The following NEDD4L variants were observed in gnomAD, a reference collection of about 807,000 sequenced individuals.
The protein encoded by NEDD4L is E3 ubiquitin-protein ligase NEDD4-like.
A neutral mutation model predicts 148.9 loss-of-function variants in NEDD4L; 54 were observed. The observed-to-expected ratio is 0.36, with a 90% CI of 0.29 to 0.45. NEDD4L has a LOEUF of 0.45. Ranked by LOEUF, NEDD4L falls within the 20% of genes least tolerant of loss-of-function variation. NEDD4L has a pLI of 1.00. For synonymous variants in NEDD4L, 433 were observed against 440.7 expected, an observed-to-expected ratio of 0.98 and a Z score of 0.22; for missense variants, 856 against 1,233.8, an observed-to-expected ratio of 0.69 and a Z score of 4.59.
At chr18:58,338,086 C>A (rs1024709376) in intron 13 of NEDD4L, among the ~76,000 whole-genome samples, 1 of 152,184 alleles carries the variant, frequency 6.6e-6, no homozygotes, top group South Asian at 2.1e-4. Flanking sequence ...ATTGAAACTT[C>A]TGCAGTTTAC....
At chr18:58,145,364 C>T (rs1336851403) in intron 1 of NEDD4L, among the ~76,000 whole-genome samples, 1 of 152,196 alleles carries the variant, frequency 6.6e-6, no homozygotes, top group Admixed American at 6.5e-5. Context: ...TAATGTAACC[C>T]TGTATTTTAC....
chr18:58,215,313 C>T (rs940265551), intron 2 of NEDD4L, among the ~76,000 whole-genome samples: 3 of 152,168 alleles, frequency 2.0e-5, no homozygotes, highest in Non-Finnish European at 4.4e-5. Context: ...CCCATTTTAT[C>T]AGTCTTTTCA....
intron 1 of NEDD4L, among the ~76,000 whole-genome samples, chr18:58,137,820 C>T (rs1417745680): frequency 2.0e-5 from 3 of 152,210 alleles, no homozygotes; most frequent in African/African-American, 2.4e-5. Flanking sequence ...ACTCTTGACA[C>T]GTAAGCTGGG....
chr18:58,115,829 T>C (rs2085788883), intron 1 of NEDD4L, among the ~76,000 whole-genome samples: 1 of 152,198 alleles, frequency 6.6e-6, no homozygotes, highest in South Asian at 2.1e-4. Flanking sequence ...AAACTTGACA[T>C]TATAGATCTT....
chr18:58,291,064 A>G (rs1340820167), intron 5 of NEDD4L, among the ~76,000 whole-genome samples: 1 of 151,786 alleles, frequency 6.6e-6, no homozygotes, highest in Non-Finnish European at 1.5e-5. Flanking sequence ...ACATGGTCAC[A>G]CAGAGAACCA....
At chr18:58,217,868 C>T (rs187039863) in intron 2 of NEDD4L, among the ~76,000 whole-genome samples, 2 of 152,172 alleles carry the variant, frequency 1.3e-5, no homozygotes, top group Admixed American at 1.3e-4. Context: ...TAGAATGATG[C>T]TTTTTAAACT....
intron 1 of NEDD4L, among the ~76,000 whole-genome samples, chr18:58,063,594 C>A (rs1346060898): frequency 3.7e-5 from 5 of 135,748 alleles, no homozygotes; most frequent in East Asian, 4.6e-4. Context: ...GAGACAGATT[C>A]TCACTCTGTC....
intron 1 of NEDD4L, among the ~76,000 whole-genome samples, chr18:58,067,269 A>G (rs2082646531): frequency 6.6e-6 from 1 of 152,226 alleles, no homozygotes. Flanking sequence ...AAATTCAAAT[A>G]CCATTCTTAC....
chr18:58,094,900 T>TAAAAAAAA (rs1555689599), intron 1 of NEDD4L, among the ~76,000 whole-genome samples: 2 of 129,514 alleles, frequency 1.5e-5, no homozygotes, highest in African/African-American at 5.7e-5. Flanking sequence ...AAAGAGCACT[T>TAAAAAAAA]AAAAAAAAAA....
Position 58,302,149 on chromosome 18 carries a change from T to C in NEDD4L, c.298-13833T>C, listed in dbSNP as rs73437280. On this transcript the variant is annotated intron_variant, in intron 5 of 30. Coordinates refer to ENST00000400345, the MANE Select transcript of NEDD4L (RefSeq NM_001144967.3). ...ATTTTCTTTGGGATTATAGGCTTCATGTTTCATACAACCAGCATATACGTA... is the reference window on the plus strand; with the variant it reads ...ATTTTCTTTGGGATTATAGGCTTCACGTTTCATACAACCAGCATATACGTA... Among the ~76,000 whole-genome samples the C allele has an allele frequency of 6.9e-3, 1,045 of 152,326 alleles. 20 individuals are homozygous for C. Among genetic ancestry groups the C allele is most frequent in the African/African-American group, 0.024 (992 of 41,578 alleles).
Position 58,200,955 on chromosome 18 carries a change from T to C in NEDD4L, c.122+35094T>C, listed in dbSNP as rs117658175. 1.4e-3 allele frequency among the ~76,000 whole-genome samples: 213 copies of C among 152,346 alleles called. 1 individual carries two copies. Among genetic ancestry groups the C allele is most frequent in the Non-Finnish European group, 2.5e-3 (167 of 68,032 alleles). ...ATCTTAGATCTTATATATATTGATA[T>C]TCACTTTTGGTGGACTAAGGTTGTC... On this transcript the variant is annotated intron_variant, in intron 2 of 30. Transcript: ENST00000400345.
intron 5 of NEDD4L, among the ~76,000 whole-genome samples, chr18:58,272,324 T>C (rs1409904544): frequency 6.6e-6 from 1 of 152,166 alleles, no homozygotes; most frequent in Non-Finnish European, 1.5e-5. Flanking sequence ...GTGATATTGA[T>C]GGAAGGAAAT....
At chr18:58,122,288 T>C (rs563430771) in intron 1 of NEDD4L, among the ~76,000 whole-genome samples, 1 of 152,270 alleles carries the variant, frequency 6.6e-6, no homozygotes, top group East Asian at 1.9e-4. Context: ...TCACCTGAGG[T>C]CAGGAGTTCG....
At chr18:58,266,387 A>C (rs1370423936) in intron 5 of NEDD4L, among the ~76,000 whole-genome samples, 1 of 152,134 alleles carries the variant, frequency 6.6e-6, no homozygotes, top group Non-Finnish European at 1.5e-5. Context: ...ACCATGAAAA[A>C]AATAACTAAA....
intron 5 of NEDD4L, among the ~76,000 whole-genome samples, chr18:58,303,076 C>T (rs771567811): frequency 1.3e-5 from 2 of 152,196 alleles, no homozygotes; most frequent in Non-Finnish European, 2.9e-5. Flanking sequence ...CTCCTGGGGC[C>T]TTACTTGACT....
chr18:58,168,991 T>C (rs2146693175), intron 2 of NEDD4L, among the ~76,000 whole-genome samples: 1 of 152,106 alleles, frequency 6.6e-6, no homozygotes, highest in East Asian at 1.9e-4. Context: ...GTGGAGCACG[T>C]CATCTCTCCT....
intron 5 of NEDD4L, among the ~76,000 whole-genome samples, chr18:58,314,143 ATGG>A (rs2058006318): frequency 6.6e-6 from 1 of 152,216 alleles, no homozygotes; most frequent in Non-Finnish European, 1.5e-5. Context: ...CAGGCCAGGC[ATGG>A]TGACTCACAC....
At chr18:58,335,893 A>G (rs1297101491) in intron 13 of NEDD4L, 6 of 237,056 alleles carry the variant, frequency 2.5e-5, no homozygotes, top group East Asian at 1.1e-4. Flanking sequence ...AAGATCATCA[A>G]AGAAGCCACA....
chr18:58,294,264 C>A (rs370043219), intron 5 of NEDD4L, among the ~76,000 whole-genome samples: 1 of 152,168 alleles, frequency 6.6e-6, no homozygotes, highest in Non-Finnish European at 1.5e-5. Flanking sequence ...AGAAGGTTTT[C>A]GCACTTGATG....
Sources: gnomAD v4.1 joint callset for allele counts (sites outside exome capture counted in the v4.1 genomes callset) on GRCh38, gnomAD v4.1.1 for gene constraint, MANE v1.5 for transcripts, NCBI Gene and HGNC (gene_info 2026-07-23, HGNC 2026-07-21) for gene names.